Variants in INVS observed in about 807,000 individuals in gnomAD.
INVS encodes the protein inversin.
A neutral mutation model predicts 108.8 loss-of-function variants in INVS; 86 were observed. The ratio of observed to expected loss-of-function variants is 0.79; its 90% CI spans 0.66 to 0.95. The LOEUF (loss-of-function observed/expected upper bound fraction) is 0.95, where lower values mean the gene tolerates loss of function less well. Among genes scored for constraint, INVS ranks in the 40% least tolerant of loss-of-function variants. The pLI is 0.00. For synonymous variants in INVS, 455 were observed against 473.5 expected (o/e 0.96, Z 0.51); for missense variants, 1,169 against 1,297.4 (o/e 0.90, Z 1.52).
chr9:100,296,159 T>C (rs1833785720), intron 14 of INVS, among the ~76,000 whole-genome samples: 2 of 152,184 alleles, frequency 1.3e-5, no homozygotes, highest in Admixed American at 1.3e-4. Context: ...TCTCTGCAGC[T>C]ACCTATAGGC....
At chr9:100,197,765 A>G (rs1053132666) in intron 3 of INVS, among the ~76,000 whole-genome samples, 1 of 152,208 alleles carries the variant, frequency 6.6e-6, no homozygotes, top group Non-Finnish European at 1.5e-5. Context: ...CCTCCAGGGT[A>G]TGGGGCAAAG....
chr9:100,171,670 A>T (rs1829546419), intron 3 of INVS, among the ~76,000 whole-genome samples: 1 of 152,146 alleles, frequency 6.6e-6, no homozygotes, highest in South Asian at 2.1e-4. Flanking sequence ...ATTGGACTAA[A>T]TGAAAGGGAT....
Position 100,264,973 on chromosome 9 carries a change from C to T in INVS, c.1571+45C>T, listed in dbSNP as rs769088528. 88 of 1,274,102 alleles carry T rather than the reference C, an allele frequency of 6.9e-5. No individual in the cohort carries two copies. In the East Asian group the frequency reaches 1.2e-3, roughly 17 times the overall value. 78.9% of individuals were successfully genotyped at this position (1,274,102 alleles called of 1,614,324 possible). A position where few individuals can be genotyped will look rare whatever the true frequency, so the allele number is the denominator to read the frequency against. ...TTTTTTTTTTTTTGAGATGGCTTCT[C>T]GCCCTGTCACTCAGGTTGGGTTGCA... is the stretch of plus-strand genomic sequence containing the variant. On this transcript the variant is annotated intron_variant, in intron 11 of 16. Transcript: ENST00000262457.
chr9:100,127,279 A>C (rs1175971349), intron 3 of INVS, among the ~76,000 whole-genome samples: 2 of 152,234 alleles, frequency 1.3e-5, no homozygotes, highest in East Asian at 3.9e-4. Flanking sequence ...GCATAAAATA[A>C]ATTTATTTTC....
chr9:100,225,054 G>A (rs865834055), intron 3 of INVS, among the ~76,000 whole-genome samples: 1 of 149,478 alleles, frequency 6.7e-6, no homozygotes, highest in Non-Finnish European at 1.5e-5. Flanking sequence ...TCCAAACTTG[G>A]TTTTTTTGTT....
rs540682498 is a variant in INVS at position 100,292,706 on chromosome 9, G to T, written c.2449G>T (p.Glu817Ter). Residue 817 changes from glutamate (E) to a stop codon, truncating the protein, a stop_gained, in exon 14 of 17, where the codon GAG (glutamate) becomes TAG (stop). Coordinates refer to ENST00000262457, the MANE Select transcript of INVS (RefSeq NM_014425.5). LOFTEE classifies it high-confidence loss of function. ...TAGCCGCCCTGGCAGTGCCCGGGGG[G>T]AGGCGGTCCATGCTGGGCAGAATCC... ...GSSRPGSARG[E>*]AVHAGQNPPH... 7.4e-6 allele frequency: 12 copies of T among 1,614,168 alleles called. No individual in the cohort carries two copies. In the East Asian group the frequency reaches 1.3e-4, roughly 18 times the overall value.
intron 7 of INVS, among the ~76,000 whole-genome samples, chr9:100,244,796 C>T (rs1208037467): frequency 1.3e-5 from 2 of 152,168 alleles, no homozygotes; most frequent in Non-Finnish European, 2.9e-5. Flanking sequence ...AAAACATACT[C>T]AGCAAAGAAA....
intron 3 of INVS, among the ~76,000 whole-genome samples, chr9:100,187,399 G>C (rs1029172158): frequency 6.6e-6 from 1 of 151,930 alleles, no homozygotes; most frequent in Non-Finnish European, 1.5e-5. Context: ...AATGATGTTG[G>C]TATTTTTATC....
chr9:100,232,205 T>C (rs1831535151), intron 5 of INVS, among the ~76,000 whole-genome samples: 1 of 152,204 alleles, frequency 6.6e-6, no homozygotes, highest in African/African-American at 2.4e-5. Context: ...ATGAGTTTTT[T>C]TTTTCTTTTA....
At chr9:100,298,420 C>CTGAG in intron 16 of INVS, 1 of 737,076 alleles carries the variant, frequency 1.4e-6, no homozygotes, top group Non-Finnish European at 1.7e-6. Context: ...GCATGTACAG[C>CTGAG]CCAGGCTCAG....
At chr9:100,130,482 G>A (rs994415069) in intron 3 of INVS, 1 of 152,024 alleles carries the variant, frequency 6.6e-6, no homozygotes, top group Non-Finnish European at 1.5e-5. Flanking sequence ...TTCAACAAGC[G>A]TTTGTTAAAT....
intron 3 of INVS, among the ~76,000 whole-genome samples, chr9:100,195,637 A>C (rs1024243769): frequency 1.3e-5 from 2 of 152,090 alleles, no homozygotes; most frequent in Non-Finnish European, 2.9e-5. Context: ...ACAGCTCCGC[A>C]CCACCACACC....
At position 100,300,729 on chromosome 9, in the gene INVS, C is replaced by A; in HGVS notation, c.*55C>A. 2.5e-6 allele frequency: 3 copies of A among 1,220,972 alleles called. No homozygotes were observed. Among genetic ancestry groups the A allele is most frequent in the South Asian group, 2.4e-5 (2 of 82,098 alleles). The allele number at this position is 1,220,972 out of a possible 1,614,324, so 75.6% of individuals were successfully genotyped here. ...GAGCTGGCATAGCTAGTGCAGAGTT[C>A]AGATTTTCTGCTGATAATCTTTTAC... is the stretch of plus-strand genomic sequence containing the variant. On this transcript the variant is annotated 3_prime_UTR_variant, in exon 17 of 17. Coordinates refer to ENST00000262457, the MANE Select transcript of INVS (RefSeq NM_014425.5).
At chr9:100,168,633 T>G (rs1378474919) in intron 3 of INVS, among the ~76,000 whole-genome samples, 2 of 152,166 alleles carry the variant, frequency 1.3e-5, no homozygotes, top group East Asian at 3.9e-4. Context: ...TGGGTAACCC[T>G]GTCAGCCTTG....
chr9:100,108,174 C>G (rs1000380935), intron 2 of INVS, among the ~76,000 whole-genome samples: 1 of 152,140 alleles, frequency 6.6e-6, no homozygotes, highest in Non-Finnish European at 1.5e-5. Context: ...ATTTTTATGG[C>G]TCAGTCATAC....
chr9:100,156,310 G>A (rs1243753660), intron 3 of INVS, among the ~76,000 whole-genome samples: 1 of 143,078 alleles, frequency 7.0e-6, no homozygotes, highest in African/African-American at 2.8e-5. Flanking sequence ...TCTCAGTCTG[G>A]AGTGCAGTGG....
Position 100,246,806 on chromosome 9 carries a change from A to G in INVS, c.1078+19A>G. On this transcript the variant is annotated intron_variant, in intron 8 of 16. Coordinates refer to ENST00000262457, the MANE Select transcript of INVS (RefSeq NM_014425.5). ...GGTACAGGTGAGAACTGGTGGACAC[A>G]TTCAATTTGCTTTCATTTAGGTTCC... 1 of 1,610,326 alleles carries G rather than the reference A, an allele frequency of 6.2e-7. No individual in the cohort carries two copies. The highest frequency in any genetic ancestry group is 2.2e-5 in the East Asian group (1 of 44,832).
chr9:100,107,949 T>G (rs1333781986), intron 2 of INVS, among the ~76,000 whole-genome samples: 1 of 152,114 alleles, frequency 6.6e-6, no homozygotes, highest in African/African-American at 2.4e-5. Flanking sequence ...TCCCAAGTAG[T>G]CTATAATCAT....
intron 3 of INVS, among the ~76,000 whole-genome samples, chr9:100,212,136 A>T (rs1279998979): frequency 6.6e-6 from 1 of 152,214 alleles, no homozygotes; most frequent in Non-Finnish European, 1.5e-5. Context: ...CACTTTAAAG[A>T]CTAAGCAACC....
Sources: gnomAD v4.1 joint callset for allele counts (sites outside exome capture counted in the v4.1 genomes callset) on GRCh38, gnomAD v4.1.1 for gene constraint, MANE v1.5 for transcripts, NCBI Gene and HGNC (gene_info 2026-07-23, HGNC 2026-07-21) for gene names.